VPS8: variants seen among roughly 807,000 people sequenced by gnomAD.
VPS8 encodes the protein vacuolar protein sorting-associated protein 8 homolog.
A neutral mutation model predicts 216.4 loss-of-function variants in VPS8; 129 were observed. That is an observed-to-expected ratio of 0.60 (90% CI 0.52 to 0.69). VPS8 has a LOEUF of 0.69. Among genes scored for constraint, VPS8 ranks in the 30% least tolerant of loss-of-function variants. VPS8 has a pLI of 0.00. For missense variants in VPS8, 1,531 were observed against 1,683.5 expected (o/e 0.91, Z 1.59); for synonymous variants, 571 against 565.4 (o/e 1.01, Z -0.14).
At chr3:184,870,861 CTTT>C in intron 21 of VPS8, 56 bp downstream of exon 21, 1 of 1,410,718 alleles carries the variant, frequency 7.1e-7, no homozygotes, top group East Asian at 2.4e-5. Flanking sequence ...TAATACTCCT[CTTT>C]TATGTTACTT....
intron 38 of VPS8, among the ~76,000 whole-genome samples, chr3:184,966,199 C>T (rs1046816373): frequency 2.0e-5 from 3 of 152,054 alleles, no homozygotes; most frequent in African/African-American, 7.2e-5. Context: ...GAGTGCCATG[C>T]TCTTTTAAAC....
chr3:184,905,369 A>G (rs773076476), intron 25 of VPS8, among the ~76,000 whole-genome samples: 1 of 152,178 alleles, frequency 6.6e-6, no homozygotes, highest in East Asian at 1.9e-4. Context: ...TGCATTATCT[A>G]ATATGTAGGC....
chr3:184,882,363 A>G (rs759502608), intron 21 of VPS8: 11 of 455,010 alleles, frequency 2.4e-5, no homozygotes, highest in South Asian at 9.3e-5. Context: ...TTGGCATGGC[A>G]TATCGTAATG....
At chr3:185,033,061 C>A (rs556762190) in intron 46 of VPS8, among the ~76,000 whole-genome samples, 5 of 152,188 alleles carry the variant, frequency 3.3e-5, no homozygotes, top group Admixed American at 6.5e-5. Context: ...TCCCCACCCC[C>A]ACAGTTGCCC....
intron 40 of VPS8, among the ~76,000 whole-genome samples, chr3:184,978,192 A>C (rs1749613161): frequency 6.6e-6 from 1 of 151,756 alleles, no homozygotes; most frequent in Non-Finnish European, 1.5e-5. Context: ...GAATTTATTC[A>C]TTTCTTCTAG....
chr3:184,954,479 G>A (rs1250020030), intron 36 of VPS8, among the ~76,000 whole-genome samples: 1 of 152,148 alleles, frequency 6.6e-6, no homozygotes, highest in East Asian at 1.9e-4. Flanking sequence ...AGGCTGGCCA[G>A]GAGCCTCCAG....
intron 17 of VPS8, among the ~76,000 whole-genome samples, chr3:184,867,770 C>T (rs112038445): frequency 0.016 from 2,412 of 152,244 alleles, 29 homozygotes; most frequent in Middle Eastern, 0.031. Context: ...CATTTGAACC[C>T]CGGAGGTGGA....
chr3:185,020,211 A>G (rs1303531348), intron 45 of VPS8, among the ~76,000 whole-genome samples: 1 of 152,228 alleles, frequency 6.6e-6, no homozygotes, highest in African/African-American at 2.4e-5. Context: ...AGTTGATTAA[A>G]TTAGTTATGG....
chr3:184,854,389 C>T (rs1724855812), intron 13 of VPS8, among the ~76,000 whole-genome samples: 1 of 152,188 alleles, frequency 6.6e-6, no homozygotes, highest in Admixed American at 6.5e-5. Context: ...GAGTCTTGTA[C>T]TTTTCCACTT....
In VPS8 at chr3:184,852,499, G is replaced by C. The variant is rs753415075; in HGVS notation, c.754-1G>C. On this transcript the variant is annotated splice_acceptor_variant, in intron 10 of 47. Coordinates refer to ENST00000625842, the MANE Select transcript of VPS8 (RefSeq NM_001009921.3). LOFTEE classifies it high-confidence loss of function. ...AGAAAATAAATTCCTTCTCTGTTTA[G>C]TTTACAGATGATCCAACTCTTGCAA... 1 of 1,612,956 alleles carries C rather than the reference G, an allele frequency of 6.2e-7. No individual in the cohort carries two copies. Among genetic ancestry groups the C allele is most frequent in the Non-Finnish European group, 8.5e-7 (1 of 1,179,456 alleles).
intron 35 of VPS8, among the ~76,000 whole-genome samples, 185 bp downstream of exon 35, chr3:184,936,520 T>TGTGTGTGC (rs2109290585): frequency 8.4e-6 from 1 of 118,400 alleles, no homozygotes; most frequent in South Asian, 2.6e-4. Flanking sequence ...TAATACTGTG[T>TGTGTGTGC]GTGTGTGTGT....
At chr3:184,927,001 A>G (rs1008629452) in intron 31 of VPS8, among the ~76,000 whole-genome samples, 1 of 152,176 alleles carries the variant, frequency 6.6e-6, no homozygotes, top group African/African-American at 2.4e-5. Context: ...TCCTGAAACA[A>G]AAAAGCTGCA....
chr3:185,010,940 A>C (rs1466795795), intron 45 of VPS8, among the ~76,000 whole-genome samples: 1 of 152,154 alleles, frequency 6.6e-6, no homozygotes, highest in Non-Finnish European at 1.5e-5. Context: ...TCAAGGCTGC[A>C]GTGAGCTGTG....
At chr3:184,889,651 T>C (rs1731971926) in intron 22 of VPS8, among the ~76,000 whole-genome samples, 1 of 152,032 alleles carries the variant, frequency 6.6e-6, no homozygotes, top group South Asian at 2.1e-4. Flanking sequence ...ATTCTACTCT[T>C]TGGGTTCTAT....
intron 46 of VPS8, among the ~76,000 whole-genome samples, chr3:185,047,245 G>C (rs1192549814): frequency 6.6e-6 from 1 of 152,212 alleles, no homozygotes; most frequent in Non-Finnish European, 1.5e-5. Flanking sequence ...CTAGTTAGTA[G>C]CGCTCAGTGA....
chr3:185,012,362 A>G (rs144196480), intron 45 of VPS8, among the ~76,000 whole-genome samples: 35 of 147,898 alleles, frequency 2.4e-4, no homozygotes, highest in Non-Finnish European at 4.8e-4. Context: ...TTTATATATG[A>G]TAAACATAAA....
rs564088984 is a variant in VPS8, at chr3:184,967,825, G to A, written c.3316+1112G>A. 2.3e-3 allele frequency among the ~76,000 whole-genome samples: 308 copies of A among 134,470 alleles called. 6 individuals carry two copies. Among genetic ancestry groups the A allele is most frequent in the Non-Finnish European group, 1.3e-3 (85 of 63,724 alleles). The allele number at this position is 134,470 out of a possible 152,430, so 88.2% of individuals were successfully genotyped here. A position where few individuals can be genotyped will look rare whatever the true frequency, so the allele number is the denominator to read the frequency against. ...GCGGTCCAGCCTGGGTGTCGCAACA[G>A]AGCAAAACTCCATCTCAAAAAAAAA... On this transcript the variant is annotated intron_variant, in intron 39 of 47. Coordinates refer to ENST00000625842, the MANE Select transcript of VPS8 (RefSeq NM_001009921.3).
rs146509606 is a variant in VPS8, at chr3:184,857,853, G to A, written c.1143+2035G>A. ...AGTAGGTGACTGCCCTTGGTCACAC[G>A]GGTATAATAGTGGAACTTAGATATA... On this transcript the variant is annotated intron_variant, in intron 14 of 47. Transcript: ENST00000625842. 4.6e-3 allele frequency among the ~76,000 whole-genome samples: 698 copies of A among 152,248 alleles called. 5 individuals are homozygous for A. The highest frequency in any genetic ancestry group is 0.027 in the Admixed American group (414 of 15,296).
intron 3 of VPS8, 21 bp downstream of exon 3, chr3:184,826,252 A>C (rs757890846): frequency 1.9e-6 from 3 of 1,585,396 alleles, no homozygotes; most frequent in South Asian, 1.1e-5. Flanking sequence ...ATTAATGATT[A>C]CTGTCATTTT....
Sources: gnomAD v4.1 joint callset for allele counts (sites outside exome capture counted in the v4.1 genomes callset) on GRCh38, gnomAD v4.1.1 for gene constraint, MANE v1.5 for transcripts, NCBI Gene and HGNC (gene_info 2026-07-23, HGNC 2026-07-21) for gene names.